RALGAPA1: variants seen among roughly 807,000 people sequenced by gnomAD.
The protein encoded by RALGAPA1 is Ral GTPase activating protein catalytic subunit alpha 1, also known as ral GTPase-activating protein subunit alpha-1.
In RALGAPA1, 52 loss-of-function variants were observed where a neutral mutation model predicts 269.6. The ratio of observed to expected loss-of-function variants is 0.19; its 90% CI spans 0.15 to 0.24. The LOEUF is 0.24. RALGAPA1 is among the 10% of genes least tolerant of loss of function. The pLI, the probability that RALGAPA1 is intolerant of heterozygous loss-of-function variation, is 1.00. For synonymous variants in RALGAPA1, 817 were observed against 1,008.3 expected, an observed-to-expected ratio of 0.81 and a Z score of 3.60; for missense variants, 1,917 against 3,013.9, an observed-to-expected ratio of 0.64 and a Z score of 8.52.
At chr14:35,630,310 C>T (rs2061278871) in intron 33 of RALGAPA1, among the ~76,000 whole-genome samples, 1 of 149,780 alleles carries the variant, frequency 6.7e-6, no homozygotes, top group Non-Finnish European at 1.5e-5. Context: ...TTTTTTGGGA[C>T]AGAGTCTTGC....
chr14:35,755,424 T>C (rs2073085194), intron 7 of RALGAPA1, among the ~76,000 whole-genome samples: 1 of 152,180 alleles, frequency 6.6e-6, no homozygotes, highest in African/African-American at 2.4e-5. Flanking sequence ...TACATTATCT[T>C]AATTGTAAAG....
rs2058888422 is a variant in RALGAPA1 at position 35,595,667 on chromosome 14, C to A, written c.7176G>T (p.Met2392Ile). The part of the protein sequence containing the change: ...VEVIFHVSTR[M>I]PSDSDDSLTK... ...TCAAAGAATCATCAGAATCAGAAGG[C>A]ATTCTTGTTGACACGTGAAATATTA... is the stretch of plus-strand genomic sequence containing the variant. Residue 2392 changes from methionine (M) to isoleucine (I), a missense_variant, in exon 37 of 42, where the codon ATG (methionine) becomes ATT (isoleucine). By Grantham distance (10) the Met-to-Ile change is conservative. Around this residue, in one of 11 missense-constraint regions of RALGAPA1, gnomAD observed 132 missense variants for 271.2 expected, o/e 0.49. Transcript: ENST00000680220. The A allele has an allele frequency of 1.2e-6, 2 of 1,612,232 alleles. No homozygotes were observed. The highest frequency in any genetic ancestry group is 1.7e-6 in the Non-Finnish European group (2 of 1,179,122).
chr14:35,665,977 T>C (rs184936607), intron 26 of RALGAPA1, among the ~76,000 whole-genome samples: 61 of 151,106 alleles, frequency 4.0e-4, no homozygotes, highest in Non-Finnish European at 7.1e-4. Flanking sequence ...AAATCTAAAA[T>C]AAGAATACAA....
intron 1 of RALGAPA1, among the ~76,000 whole-genome samples, chr14:35,779,119 C>A (rs889924680): frequency 6.6e-6 from 1 of 152,036 alleles, no homozygotes; most frequent in Non-Finnish European, 1.5e-5. Flanking sequence ...TCATCAAATA[C>A]TAGTTAAATA....
chr14:35,592,249 C>G (rs905367755), intron 37 of RALGAPA1, among the ~76,000 whole-genome samples: 31 of 152,128 alleles, frequency 2.0e-4, no homozygotes, highest in Non-Finnish European at 3.8e-4. Flanking sequence ...TGTATGCCAA[C>G]AAATTGGATA....
At chr14:35,658,557 G>A (rs2063343504) in intron 28 of RALGAPA1, among the ~76,000 whole-genome samples, 1 of 152,018 alleles carries the variant, frequency 6.6e-6, no homozygotes, top group South Asian at 2.1e-4. Flanking sequence ...GAAACATGGT[G>A]TGCTACTAGC....
chr14:35,753,930 G>C (rs971141972), intron 7 of RALGAPA1, among the ~76,000 whole-genome samples: 2 of 152,076 alleles, frequency 1.3e-5, no homozygotes, highest in African/African-American at 4.8e-5. Context: ...CCTAAAACAT[G>C]TGAAATTTCT....
intron 39 of RALGAPA1, among the ~76,000 whole-genome samples, chr14:35,566,611 C>A (rs2056729039): frequency 6.6e-6 from 1 of 151,668 alleles, no homozygotes; most frequent in South Asian, 2.1e-4. Flanking sequence ...AAATTGTTGA[C>A]CAATTTTAAA....
At position 35,544,583 on chromosome 14, in the gene RALGAPA1, G is replaced by A. The variant is rs562869817; in HGVS notation, c.*23+3925C>T. ...AATGTTCTATGTGGAAACTGAACCA[G>A]CAGTTATCACAAAAGGTTAGTGGGT... On this transcript the variant is annotated intron_variant, in intron 41 of 41. Transcript: ENST00000680220. Among the ~76,000 whole-genome samples the A allele has an allele frequency of 7.2e-5, 11 of 152,266 alleles. No homozygotes were observed. In the South Asian group the frequency reaches 8.3e-4, roughly 11 times the overall value.
At chr14:35,677,779 A>G (rs1251978491) in intron 22 of RALGAPA1, 171 bp downstream of exon 22, 2 of 620,472 alleles carry the variant, frequency 3.2e-6, no homozygotes, top group Non-Finnish European at 2.7e-6. Context: ...CAGACAACAA[A>G]TATCTTTAAG....
intron 14 of RALGAPA1, chr14:35,723,492 A>T: frequency 2.9e-6 from 1 of 346,396 alleles, no homozygotes; most frequent in Non-Finnish European, 5.2e-6. Flanking sequence ...TCTAAAAAGA[A>T]ATCTCCCTAA....
chr14:35,800,987 G>A lies in RALGAPA1; in HGVS notation c.106+7743C>T, dbSNP rs917488349. 4.0e-5 allele frequency among the ~76,000 whole-genome samples: 6 copies of A among 150,650 alleles called. No homozygotes were observed. In the East Asian group the frequency reaches 5.9e-4, roughly 15 times the overall value. ...GCCATTGCACTCCAGCCTGGGCGAC[G>A]AGCGAAACTCTGTCTCCTGCGTCCC... On this transcript the variant is annotated intron_variant, in intron 1 of 41. Transcript: ENST00000680220.
At chr14:35,642,906 C>T (rs1321303163) in intron 31 of RALGAPA1, among the ~76,000 whole-genome samples, 1 of 152,156 alleles carries the variant, frequency 6.6e-6, no homozygotes, top group Non-Finnish European at 1.5e-5. Context: ...TGGCACTATT[C>T]ACGATAGCAA....
In RALGAPA1 at chr14:35,630,293, GT is replaced by G. The variant is rs201991217; in HGVS notation, c.5996-2343del. On this transcript the variant is annotated intron_variant, in intron 33 of 41. Transcript: ENST00000680220. Reference sequence around the variant, plus strand: ...TAAACATTTCTTAGCTTATTTACTGGTTTTTTTTTTTTGGGACAGAGTCTTG... The same window carrying G: ...TAAACATTTCTTAGCTTATTTACTGGTTTTTTTTTTTGGGACAGAGTCTTG... Among the ~76,000 whole-genome samples the G allele has an allele frequency of 0.011, 1,549 of 144,878 alleles. 64 individuals carry two copies. The South Asian group carries it at 0.14, about 13-fold the overall frequency.
chr14:35,582,649 T>C (rs1386457408), intron 37 of RALGAPA1, among the ~76,000 whole-genome samples: 2 of 152,216 alleles, frequency 1.3e-5, no homozygotes, highest in Non-Finnish European at 2.9e-5. Context: ...TTGTGAGTTT[T>C]ATTTCCAAGA....
intron 35 of RALGAPA1, among the ~76,000 whole-genome samples, chr14:35,615,472 T>C (rs1251630006): frequency 6.6e-6 from 1 of 152,202 alleles, no homozygotes; most frequent in African/African-American, 2.4e-5. Flanking sequence ...TGTTTCCAGG[T>C]TTCCTGGTTT....
intron 36 of RALGAPA1, among the ~76,000 whole-genome samples, chr14:35,598,371 T>C (rs1486834115): frequency 6.6e-6 from 1 of 151,610 alleles, no homozygotes; most frequent in African/African-American, 2.4e-5. Context: ...ACTTTTTCTA[T>C]CCTTTTACTT....
At chr14:35,651,776 T>C in intron 31 of RALGAPA1, 29 bp downstream of exon 31, 1 of 1,567,952 alleles carries the variant, frequency 6.4e-7, no homozygotes, top group Non-Finnish European at 8.6e-7. Context: ...AATAACCACA[T>C]ACTAATCATC....
intron 1 of RALGAPA1, among the ~76,000 whole-genome samples, chr14:35,790,684 T>TAAAA (rs75409188): frequency 1.1e-5 from 1 of 92,402 alleles, no homozygotes; most frequent in Non-Finnish European, 2.4e-5. Flanking sequence ...AGAGACTGTC[T>TAAAA]AAAAAAAAAA....
Sources: allele counts gnomAD v4.1 joint callset (sites outside exome capture counted in the v4.1 genomes callset), GRCh38; gene constraint gnomAD v4.1.1; regional missense constraint gnomAD v4.1.1; transcripts MANE v1.5; gene names NCBI Gene and HGNC (gene_info 2026-07-23, HGNC 2026-07-21).